PDE3A: variants seen among roughly 807,000 people sequenced by gnomAD.
PDE3A encodes the protein cGMP-inhibited 3',5'-cyclic phosphodiesterase 3A.
Under a neutral mutation model 98.3 loss-of-function variants are expected in PDE3A, and 43 were observed. The ratio of observed to expected loss-of-function variants is 0.44; its 90% CI spans 0.34 to 0.56. The LOEUF is 0.56. Ranked by LOEUF, PDE3A falls within the 20% of genes least tolerant of loss-of-function variation. The pLI is 0.01. For missense variants in PDE3A, 1,427 were observed against 1,440.7 expected (o/e 0.99, Z 0.15); for synonymous variants, 663 against 567.9 (o/e 1.17, Z -2.38).
chr12:20,538,618 G>A (rs1371936080), intron 1 of PDE3A, among the ~76,000 whole-genome samples: 2 of 152,120 alleles, frequency 1.3e-5, no homozygotes, highest in African/African-American at 4.8e-5. Context: ...TAGCATTTTT[G>A]TCACACAAGG....
chr12:20,529,677 G>T (rs1347631324), intron 1 of PDE3A, among the ~76,000 whole-genome samples: 2 of 152,070 alleles, frequency 1.3e-5, no homozygotes, highest in Non-Finnish European at 2.9e-5. Context: ...GAGAGGCAAG[G>T]ATTCTTCTCT....
chr12:20,393,823 A>G (rs140902055), intron 1 of PDE3A, among the ~76,000 whole-genome samples: 121 of 152,194 alleles, frequency 8.0e-4, no homozygotes, highest in African/African-American at 2.6e-3. Context: ...TTTGTCTTCT[A>G]CAAGGGTGAT....
At chr12:20,447,599 C>G (rs1221335690) in intron 1 of PDE3A, among the ~76,000 whole-genome samples, 1 of 152,202 alleles carries the variant, frequency 6.6e-6, no homozygotes, top group East Asian at 1.9e-4. Context: ...GTGGTACAAC[C>G]ACCCAGGGAG....
chr12:20,569,481 T>C (rs1214061059), intron 2 of PDE3A, among the ~76,000 whole-genome samples: 1 of 152,150 alleles, frequency 6.6e-6, no homozygotes, highest in Non-Finnish European at 1.5e-5. Context: ...CGCAGCAGAA[T>C]AGTTTTTGCA....
intron 1 of PDE3A, among the ~76,000 whole-genome samples, chr12:20,509,409 C>T (rs1485175164): frequency 6.6e-6 from 1 of 151,998 alleles, no homozygotes; most frequent in Non-Finnish European, 1.5e-5. Context: ...CTGGGTACCC[C>T]TACATTAGTT....
At chr12:20,483,863 T>G (rs1422763857) in intron 1 of PDE3A, among the ~76,000 whole-genome samples, 1 of 152,212 alleles carries the variant, frequency 6.6e-6, no homozygotes, top group Non-Finnish European at 1.5e-5. Flanking sequence ...AGCGCAGATG[T>G]ATAGACATTT....
intron 1 of PDE3A, among the ~76,000 whole-genome samples, chr12:20,555,819 T>G (rs1265268005): frequency 6.6e-6 from 1 of 152,200 alleles, no homozygotes; most frequent in East Asian, 1.9e-4. Context: ...TTTTTGTTGC[T>G]ATTGTGAACA....
At chr12:20,551,781 G>A (rs1334515057) in intron 1 of PDE3A, 8 of 1,613,896 alleles carry the variant, frequency 5.0e-6, no homozygotes, top group Non-Finnish European at 5.9e-6. Context: ...AGAAGAAGGC[G>A]AAGATGGCCT....
chr12:20,415,442 C>T (rs868541067), intron 1 of PDE3A, among the ~76,000 whole-genome samples: 4 of 149,054 alleles, frequency 2.7e-5, no homozygotes, highest in African/African-American at 4.9e-5. Context: ...TTTTTTGAGA[C>T]GGAGTCTCAC....
chr12:20,476,588 GCAT>G (rs1945535636), intron 1 of PDE3A, among the ~76,000 whole-genome samples: 1 of 152,124 alleles, frequency 6.6e-6, no homozygotes, highest in African/African-American at 2.4e-5. Context: ...CCATCTTGTG[GCAT>G]CATACACCCT....
rs1051503879 is a variant in PDE3A, at chr12:20,685,675, G to A, written c.*5404G>A. Among the ~76,000 whole-genome samples, 2 of 152,104 alleles carry A rather than the reference G, an allele frequency of 1.3e-5. No homozygotes were observed. Among genetic ancestry groups the A allele is most frequent in the African/African-American group, 2.4e-5 (1 of 41,432 alleles). ...AGATACAGCTAGTTTTTCTCCACAT[G>A]TTTTTAAGGTTGATTTCCTTGACAC... is the stretch of plus-strand genomic sequence containing the variant. On this transcript the variant is annotated 3_prime_UTR_variant, in exon 16 of 16. Coordinates refer to ENST00000359062, the MANE Select transcript of PDE3A (RefSeq NM_000921.5).
intron 15 of PDE3A, among the ~76,000 whole-genome samples, chr12:20,667,329 T>G (rs1945340255): frequency 6.6e-6 from 1 of 152,182 alleles, no homozygotes; most frequent in Admixed American, 6.6e-5. Flanking sequence ...TTTTGAGGTC[T>G]TAATCATAAT....
rs185316783 is a variant in PDE3A, at chr12:20,460,254, G to T, written c.960+90010G>T. Among the ~76,000 whole-genome samples, 12 of 152,296 alleles carry T rather than the reference G, an allele frequency of 7.9e-5. No individual in the cohort carries two copies. In the East Asian group the frequency reaches 2.3e-3, roughly 29 times the overall value. On this transcript the variant is annotated intron_variant, in intron 1 of 15. Coordinates refer to ENST00000359062, the MANE Select transcript of PDE3A (RefSeq NM_000921.5). ...CCTGCCTCCTGTGAATCAGAAAGATGGGGATGGAGTTGATGGCCAATAAAG... is the reference window on the plus strand; with the variant it reads ...CCTGCCTCCTGTGAATCAGAAAGATTGGGATGGAGTTGATGGCCAATAAAG...
intron 1 of PDE3A, among the ~76,000 whole-genome samples, chr12:20,484,865 T>A (rs1357792908): frequency 1.3e-5 from 2 of 152,166 alleles, no homozygotes; most frequent in Non-Finnish European, 2.9e-5. Context: ...CAAAGATTTA[T>A]TTATTTATTT....
At chr12:20,431,935 G>C (rs1944705865) in intron 1 of PDE3A, among the ~76,000 whole-genome samples, 1 of 152,160 alleles carries the variant, frequency 6.6e-6, no homozygotes, top group South Asian at 2.1e-4. Flanking sequence ...ATGAAATTAA[G>C]TGGCCTGGTG....
intron 15 of PDE3A, among the ~76,000 whole-genome samples, chr12:20,669,221 G>T (rs1271031695): frequency 6.6e-6 from 1 of 151,836 alleles, no homozygotes; most frequent in Non-Finnish European, 1.5e-5. Flanking sequence ...ATCTACGTCT[G>T]ATTGGTGTAC....
chr12:20,600,329 T>C (rs963047496), intron 2 of PDE3A, among the ~76,000 whole-genome samples: 2 of 152,210 alleles, frequency 1.3e-5, no homozygotes, highest in African/African-American at 4.8e-5. Context: ...CTTAGCTACG[T>C]ATCTTCCCAA....
At chr12:20,493,201 G>C (rs566391049) in intron 1 of PDE3A, among the ~76,000 whole-genome samples, 1 of 151,972 alleles carries the variant, frequency 6.6e-6, no homozygotes, top group Non-Finnish European at 1.5e-5. Context: ...CCTTTTAGCT[G>C]TTTCTGATTT....
intron 1 of PDE3A, among the ~76,000 whole-genome samples, chr12:20,399,671 G>A (rs1051982018): frequency 6.6e-6 from 1 of 152,096 alleles, no homozygotes; most frequent in Non-Finnish European, 1.5e-5. Flanking sequence ...AAAAATGTGG[G>A]CATAAATAAC....
Sources: gnomAD v4.1 joint callset for allele counts (sites outside exome capture counted in the v4.1 genomes callset) on GRCh38, gnomAD v4.1.1 for gene constraint, MANE v1.5 for transcripts, NCBI Gene and HGNC (gene_info 2026-07-23, HGNC 2026-07-21) for gene names.